The following GATA4 variants were observed in gnomAD, a reference collection of about 807,000 sequenced individuals.
GATA4 encodes transcription factor GATA-4.
A neutral mutation model predicts 37.9 loss-of-function variants in GATA4; 7 were observed. That is an observed-to-expected ratio of 0.18 (90% CI 0.11 to 0.35). The LOEUF is 0.35. Among genes scored for constraint, GATA4 ranks in the 10% least tolerant of loss-of-function variants. The pLI, the probability that GATA4 is intolerant of heterozygous loss-of-function variation, is 1.00. For synonymous variants in GATA4, 372 were observed against 292.6 expected, an observed-to-expected ratio of 1.27 and a Z score of -2.77; for missense variants, 647 against 653.0, an observed-to-expected ratio of 0.99 and a Z score of 0.10.
At chr8:11,706,946 CT>C (rs1480736135) in intron 1 of GATA4, among the ~76,000 whole-genome samples, 2 of 152,150 alleles carry the variant, frequency 1.3e-5, no homozygotes, top group Non-Finnish European at 2.9e-5. Flanking sequence ...GAAAAATTGC[CT>C]GATAATAACA....
At chr8:11,742,398 C>CTTTT (rs1563222364) in intron 2 of GATA4, among the ~76,000 whole-genome samples, 6 of 57,264 alleles carry the variant, frequency 1.0e-4, no homozygotes, top group Non-Finnish European at 1.8e-4. Flanking sequence ...TTTTTTTTTC[C>CTTTT]TTTCCCTTTC....
intron 1 of GATA4, among the ~76,000 whole-genome samples, chr8:11,685,740 A>G (rs1438375233): frequency 1.3e-5 from 2 of 152,242 alleles, no homozygotes; most frequent in Non-Finnish European, 2.9e-5. Context: ...ATTGAAAACA[A>G]TCATCTAAGT....
intron 2 of GATA4, among the ~76,000 whole-genome samples, chr8:11,721,465 G>A (rs935394597): frequency 1.8e-4 from 27 of 151,658 alleles, no homozygotes; most frequent in Admixed American, 1.7e-3. Context: ...GCAAGCTCCT[G>A]GCTGTTGGTT....
At chr8:11,687,917 C>T (rs1388163644), upstream of GATA4, among the ~76,000 whole-genome samples, 1 of 152,186 alleles carries the variant, frequency 6.6e-6, no homozygotes, top group Non-Finnish European at 1.5e-5. Flanking sequence ...TGCCAAAGGT[C>T]ACTCCATGAG....
chr8:11,721,331 G>A (rs188570646), intron 2 of GATA4, among the ~76,000 whole-genome samples: 61 of 149,680 alleles, frequency 4.1e-4, no homozygotes, highest in Admixed American at 7.3e-4. Context: ...GCAGTCCCGA[G>A]TGGAGGGCGC....
At position 11,749,222 on chromosome 8, in the gene GATA4, C is replaced by G. The variant is rs1372297140; in HGVS notation, c.786+137C>G. ...CGTGGGTGAGAGCCCCATAATAATTCTCACAACTTTAGAGTTAGCTGGAGC... is the reference window on the plus strand; with the variant it reads ...CGTGGGTGAGAGCCCCATAATAATTGTCACAACTTTAGAGTTAGCTGGAGC... On this transcript the variant is annotated intron_variant, in intron 3 of 6. Coordinates refer to ENST00000532059, the MANE Select transcript of GATA4 (RefSeq NM_001308093.3). The surrounding 1 kb of genome is among the most constrained non-coding windows in gnomAD (Gnocchi z 4.6). 1.2e-6 allele frequency: 1 copy of G among 856,322 alleles called. No individual in the cohort carries two copies. Among genetic ancestry groups the G allele is most frequent in the Admixed American group, 2.1e-5 (1 of 48,096 alleles). 53.0% of individuals were successfully genotyped at this position (856,322 alleles called of 1,614,324 possible).
intron 2 of GATA4, among the ~76,000 whole-genome samples, chr8:11,721,511 C>T (rs1039734753): frequency 1.3e-5 from 2 of 151,858 alleles, no homozygotes; most frequent in African/African-American, 2.4e-5. Flanking sequence ...GAGCGCCTCC[C>T]GCTGAGTCAC....
At chr8:11,694,456 G>A (rs1799441216) in intron 1 of GATA4, 7 of 984,690 alleles carry the variant, frequency 7.1e-6, no homozygotes, top group Middle Eastern at 5.2e-4. Context: ...AGAACATTGC[G>A]CTGCCACCAG....
chr8:11,701,245 A>G (rs552230670), upstream of GATA4, among the ~76,000 whole-genome samples: 120 of 18,226 alleles, frequency 6.6e-3, no homozygotes, highest in African/African-American at 0.012. Flanking sequence ...AGGTTCTTAG[A>G]AAAAAAAAAA....
chr8:11,686,752 C>G (rs1306987136), intron 1 of GATA4, among the ~76,000 whole-genome samples: 2 of 152,180 alleles, frequency 1.3e-5, no homozygotes, highest in African/African-American at 2.4e-5. Flanking sequence ...CTAATCCCAG[C>G]ACTTTGGGAG....
At chr8:11,679,855 G>C (rs1284286689) in intron 1 of GATA4, among the ~76,000 whole-genome samples, 1 of 152,238 alleles carries the variant, frequency 6.6e-6, no homozygotes, top group African/African-American at 2.4e-5. Context: ...GTCCCTAAGA[G>C]GGGAAAATGA....
At chr8:11,689,293 G>A (rs1799239414), upstream of GATA4, among the ~76,000 whole-genome samples, 1 of 152,190 alleles carries the variant, frequency 6.6e-6, no homozygotes, top group African/African-American at 2.4e-5. Context: ...GGGATATTGG[G>A]AAACTGAGGC....
rs554059025 is a variant in GATA4 at position 11,759,821 on chromosome 8, C to G, written c.*1346C>G. The stretch of plus-strand genomic sequence containing the variant: ...CGCCCAGACCCCTCACTCCAAAATC[C>G]TACTGGCTGTAGCAGAGAATACCTT... On this transcript the variant is annotated 3_prime_UTR_variant, in exon 7 of 7. Coordinates refer to ENST00000532059, the MANE Select transcript of GATA4 (RefSeq NM_001308093.3). The G allele has an allele frequency of 2.0e-5, 3 of 152,460 alleles. No homozygotes were observed. Among genetic ancestry groups the G allele is most frequent in the Admixed American group, 1.3e-4 (2 of 15,272 alleles). The allele number at this position is 152,460 out of a possible 1,614,324, so 9.4% of individuals were successfully genotyped here. A position where few individuals can be genotyped will look rare whatever the true frequency, so the allele number is the denominator to read the frequency against.
chr8:11,757,538 G>A (rs570833425), intron 6 of GATA4, among the ~76,000 whole-genome samples: 32 of 152,328 alleles, frequency 2.1e-4, no homozygotes, highest in Middle Eastern at 3.4e-3. Context: ...TGCCTCCTAC[G>A]TGCAGGGAGG....
upstream of GATA4, among the ~76,000 whole-genome samples, chr8:11,690,111 A>G (rs2898293): frequency 0.51 from 78,280 of 152,118 alleles, 23,915 homozygotes; most frequent in East Asian, 0.77. Flanking sequence ...GGACTGATAA[A>G]CGGGCCAAAG....
chr8:11,743,564 G>C (rs765221309), intron 2 of GATA4, among the ~76,000 whole-genome samples: 14 of 152,232 alleles, frequency 9.2e-5, no homozygotes, highest in Non-Finnish European at 1.3e-4. Flanking sequence ...GGAGTGGAGA[G>C]CGGAACCGTG....
rs1247682323 is a variant in GATA4, at chr8:11,708,023, G to T, written c.-290G>T. 2.2e-6 allele frequency: 1 copy of T among 462,300 alleles called. No homozygotes were observed. The highest frequency in any genetic ancestry group is 4.4e-5 in the East Asian group (1 of 22,910). 28.6% of individuals were successfully genotyped at this position (462,300 alleles called of 1,614,324 possible). A position where few individuals can be genotyped will look rare whatever the true frequency, so the allele number is the denominator to read the frequency against. ...TCTTCTGCCCCCAATAGGTGCGCCG[G>T]ACCTTCAGGCCCTGGGGTGAATTCA... is the stretch of plus-strand genomic sequence containing the variant. On this transcript the variant is annotated 5_prime_UTR_variant, in exon 2 of 7. Coordinates refer to ENST00000532059, the MANE Select transcript of GATA4 (RefSeq NM_001308093.3). The surrounding 1 kb of genome is among the most constrained non-coding windows in gnomAD (Gnocchi z 6.7).
chr8:11,740,315 C>CCA (rs1801668402), intron 2 of GATA4, among the ~76,000 whole-genome samples: 1 of 152,218 alleles, frequency 6.6e-6, no homozygotes, highest in South Asian at 2.1e-4. Context: ...CAGAGGGTGG[C>CCA]CACACACCCT....
At chr8:11,741,728 G>A (rs975636122) in intron 2 of GATA4, among the ~76,000 whole-genome samples, 6 of 152,324 alleles carry the variant, frequency 3.9e-5, no homozygotes, top group African/African-American at 9.6e-5. Flanking sequence ...GCCAGGAAGC[G>A]TTTCCCAAGT....
Sources: allele counts gnomAD v4.1 joint callset (sites outside exome capture counted in the v4.1 genomes callset), GRCh38; gene constraint gnomAD v4.1.1; non-coding constraint Gnocchi (gnomAD v3.1); transcripts MANE v1.5; gene names NCBI Gene and HGNC (gene_info 2026-07-23, HGNC 2026-07-21).